Variants in EIF4G3 observed in about 807,000 individuals in gnomAD.
EIF4G3 encodes eukaryotic translation initiation factor 4 gamma 3.
In EIF4G3, 34 loss-of-function variants were observed where a neutral mutation model predicts 186.4. The observed-to-expected ratio is 0.18, with a 90% CI of 0.14 to 0.24. The LOEUF (loss-of-function observed/expected upper bound fraction) is 0.24, where lower values mean the gene tolerates loss of function less well. Among genes scored for constraint, EIF4G3 ranks in the 10% least tolerant of loss-of-function variants. The pLI, the probability that EIF4G3 is intolerant of heterozygous loss-of-function variation, is 1.00. For synonymous variants in EIF4G3, 673 were observed against 679.5 expected, an observed-to-expected ratio of 0.99 and a Z score of 0.15; for missense variants, 1,536 against 1,948.5, an observed-to-expected ratio of 0.79 and a Z score of 3.99.
intron 4 of EIF4G3, among the ~76,000 whole-genome samples, chr1:21,040,200 G>T (rs1571508289): frequency 6.6e-6 from 1 of 152,170 alleles, no homozygotes; most frequent in South Asian, 2.1e-4. Context: ...GGGGCTAAAG[G>T]TCAAGTTGAT....
At chr1:21,095,339 T>C (rs963161356) in intron 2 of EIF4G3, among the ~76,000 whole-genome samples, 3 of 152,150 alleles carry the variant, frequency 2.0e-5, no homozygotes, top group African/African-American at 7.2e-5. Context: ...CTAGAAACCA[T>C]TATATTAGAT....
chr1:20,854,712 T>TATAAATAAATAAATAA lies in EIF4G3; in HGVS notation c.3433+250_3433+265dup, dbSNP rs375345484. ...AGAGCGGGATCCCATCTCAAAAATA[T>TATAAATAAATAAATAA]ATAAATAAATAAATAAATAAATAAA... On this transcript the variant is annotated intron_variant, in intron 26 of 36. Coordinates refer to ENST00000602326, the MANE Select transcript of EIF4G3 (RefSeq NM_001391906.1). 1.2e-3 allele frequency among the ~76,000 whole-genome samples: 185 copies of TATAAATAAATAAATAA among 148,040 alleles called. 2 individuals are homozygous for TATAAATAAATAAATAA. Among genetic ancestry groups the TATAAATAAATAAATAA allele is most frequent in the South Asian group, 6.7e-3 (31 of 4,640 alleles).
At chr1:21,046,717 A>G (rs1030680177) in intron 4 of EIF4G3, among the ~76,000 whole-genome samples, 23 of 152,242 alleles carry the variant, frequency 1.5e-4, no homozygotes, top group Non-Finnish European at 3.1e-4. Context: ...ATAGAAGAAT[A>G]AAACAAATTA....
At chr1:21,065,459 G>C (rs2095192732) in intron 3 of EIF4G3, among the ~76,000 whole-genome samples, 1 of 151,398 alleles carries the variant, frequency 6.6e-6, no homozygotes, top group South Asian at 2.1e-4. Flanking sequence ...CTCTAGGGAG[G>C]CTGGGAGAGA....
chr1:21,138,759 C>T (rs111276049), intron 2 of EIF4G3, among the ~76,000 whole-genome samples: 4,701 of 151,768 alleles, frequency 0.031, 127 homozygotes, highest in Non-Finnish European at 0.046. Flanking sequence ...TGCAGTGAGC[C>T]GAGATTGCAC....
chr1:21,023,547 T>G (rs911674133), intron 4 of EIF4G3, among the ~76,000 whole-genome samples: 3 of 152,018 alleles, frequency 2.0e-5, no homozygotes, highest in Admixed American at 6.5e-5. Context: ...GACGGAGTCT[T>G]GTTCACTCAG....
chr1:20,833,854 G>T (rs1295408242), intron 30 of EIF4G3, among the ~76,000 whole-genome samples: 2 of 152,114 alleles, frequency 1.3e-5, no homozygotes, highest in African/African-American at 4.8e-5. Flanking sequence ...CATACTGAAT[G>T]GGCAAAAACT....
chr1:21,054,030 G>C (rs1364846897), intron 3 of EIF4G3, among the ~76,000 whole-genome samples: 3 of 152,206 alleles, frequency 2.0e-5, no homozygotes, highest in African/African-American at 4.8e-5. Flanking sequence ...AATAGAAAGG[G>C]GGGAAAGGTG....
At chr1:21,014,314 ATTTCTT>A (rs1157145386) in intron 4 of EIF4G3, among the ~76,000 whole-genome samples, 1 of 152,178 alleles carries the variant, frequency 6.6e-6, no homozygotes. Context: ...TTTGGTTTTT[ATTTCTT>A]TTTAACTCTT....
At chr1:21,075,501 G>A (rs1318207797) in intron 3 of EIF4G3, among the ~76,000 whole-genome samples, 17 of 148,804 alleles carry the variant, frequency 1.1e-4, no homozygotes, top group Admixed American at 2.0e-4. Context: ...CCCGGGAGGC[G>A]GAGGTTGCAG....
At chr1:20,809,663 A>C (rs968284453) in intron 36 of EIF4G3, among the ~76,000 whole-genome samples, 5 of 152,246 alleles carry the variant, frequency 3.3e-5, no homozygotes, top group African/African-American at 1.2e-4. Flanking sequence ...TTGGGTGTCT[A>C]AAGATTCTAG....
intron 7 of EIF4G3, 70 bp downstream of exon 7, chr1:20,997,531 A>G: frequency 1.4e-6 from 2 of 1,408,084 alleles, no homozygotes; most frequent in Non-Finnish European, 2.0e-6. Flanking sequence ...GCAGCATTCT[A>G]AGAGTCAGCA....
intron 4 of EIF4G3, among the ~76,000 whole-genome samples, chr1:21,040,304 A>C (rs940125457): frequency 2.0e-5 from 3 of 152,222 alleles, no homozygotes; most frequent in Non-Finnish European, 4.4e-5. Flanking sequence ...AACCAAACAC[A>C]TGGAAGTTGC....
intron 8 of EIF4G3, 25 bp from the exon 9 acceptor site, chr1:20,981,252 T>G: frequency 1.7e-6 from 2 of 1,188,250 alleles, no homozygotes; most frequent in Non-Finnish European, 2.2e-6. Context: ...AAAAAAAAAT[T>G]TTTTTTTTTT....
intron 4 of EIF4G3, among the ~76,000 whole-genome samples, chr1:21,045,048 G>A (rs2093802738): frequency 6.6e-6 from 1 of 151,962 alleles, no homozygotes; most frequent in African/African-American, 2.4e-5. Context: ...TGAGTCCAGG[G>A]GGTCAAGGCT....
intron 14 of EIF4G3, among the ~76,000 whole-genome samples, chr1:20,926,566 G>A (rs1246590659): frequency 6.6e-6 from 1 of 152,016 alleles, no homozygotes; most frequent in Non-Finnish European, 1.5e-5. Context: ...AGCTACTCAG[G>A]TGGCTGAGGT....
chr1:20,843,918 G>T (rs568482312), intron 29 of EIF4G3, among the ~76,000 whole-genome samples: 41 of 152,200 alleles, frequency 2.7e-4, no homozygotes, highest in African/African-American at 9.9e-4. Flanking sequence ...TTGCTTTTCT[G>T]TTCCTGCATT....
At chr1:21,008,274 T>C (rs557384304) in intron 4 of EIF4G3, among the ~76,000 whole-genome samples, 2 of 152,308 alleles carry the variant, frequency 1.3e-5, no homozygotes, top group South Asian at 4.1e-4. Context: ...AAGAAAACAC[T>C]GTGCTGTGGG....
chr1:21,070,477 T>C (rs1348020630), intron 3 of EIF4G3, among the ~76,000 whole-genome samples: 1 of 152,188 alleles, frequency 6.6e-6, no homozygotes, highest in Non-Finnish European at 1.5e-5. Flanking sequence ...TCTCCACTTA[T>C]CAAAACATTA....
Sources: allele counts gnomAD v4.1 joint callset (sites outside exome capture counted in the v4.1 genomes callset), GRCh38; gene constraint gnomAD v4.1.1; transcripts MANE v1.5; gene names NCBI Gene and HGNC (gene_info 2026-07-23, HGNC 2026-07-21).